Variants in SAMMSON observed in about 807,000 individuals in gnomAD.
The protein encoded by SAMMSON is survival associated mitochondrial melanoma specific oncogenic non-coding RNA.
At chr3:70,382,939 T>G (rs1245966690) in intron 9 of SAMMSON, among the ~76,000 whole-genome samples, 2 of 152,132 alleles carry the variant, frequency 1.3e-5, no homozygotes, top group African/African-American at 4.8e-5. Flanking sequence ...TATTCTCAGG[T>G]TTGGAAGATA....
chr3:70,005,355 C>T (rs1161326037), intron 1 of SAMMSON, among the ~76,000 whole-genome samples: 2 of 149,522 alleles, frequency 1.3e-5, no homozygotes, highest in Non-Finnish European at 3.0e-5. Flanking sequence ...TTCTTCTGTT[C>T]CATATGGGGT....
At chr3:70,323,244 G>C (rs563939393) in intron 7 of SAMMSON, among the ~76,000 whole-genome samples, 1 of 152,052 alleles carries the variant, frequency 6.6e-6, no homozygotes, top group African/African-American at 2.4e-5. Context: ...AAATTAATCC[G>C]AGATTTTTTG....
chr3:70,259,155 T>C (rs1701843309), intron 6 of SAMMSON, among the ~76,000 whole-genome samples: 1 of 152,158 alleles, frequency 6.6e-6, no homozygotes, highest in South Asian at 2.1e-4. Flanking sequence ...CCCTTTTTCA[T>C]ATGTGGTCCT....
intron 3 of SAMMSON, among the ~76,000 whole-genome samples, chr3:70,039,647 T>C (rs976875691): frequency 6.7e-6 from 1 of 148,500 alleles, no homozygotes; most frequent in Non-Finnish European, 1.5e-5. Context: ...ACACACACTT[T>C]CTATTGGTTT....
Position 70,079,744 on chromosome 3 carries a change from T to C in SAMMSON, n.507+8179T>C, listed in dbSNP as rs1313865446. Among the ~76,000 whole-genome samples the C allele has an allele frequency of 2.0e-5, 3 of 152,290 alleles. No individual in the cohort carries two copies. The East Asian group carries it at 5.8e-4, about 29-fold the overall frequency. On this transcript the variant is annotated intron_variant and non_coding_transcript_variant, in intron 4 of 9. Coordinates refer to ENST00000642114, the Ensembl canonical transcript of SAMMSON. The stretch of plus-strand genomic sequence containing the variant: ...GTACTTTCAACTTATGGGGGGTTTA[T>C]CAAGACGTAACCCCACTGTAAGTCG...
At chr3:70,059,916 G>A (rs1373262558) in intron 3 of SAMMSON, among the ~76,000 whole-genome samples, 1 of 152,124 alleles carries the variant, frequency 6.6e-6, no homozygotes, top group Non-Finnish European at 1.5e-5. Context: ...AAAAGTTGAA[G>A]AAGACAGACT....
chr3:70,358,985 G>A (rs1702851209), intron 9 of SAMMSON, among the ~76,000 whole-genome samples: 1 of 152,042 alleles, frequency 6.6e-6, no homozygotes, highest in Non-Finnish European at 1.5e-5. Context: ...CTGAGAGAGA[G>A]GTTAAGTGAG....
At chr3:70,288,506 G>A (rs1365949857) in intron 6 of SAMMSON, among the ~76,000 whole-genome samples, 1 of 150,612 alleles carries the variant, frequency 6.6e-6, no homozygotes, top group Non-Finnish European at 1.5e-5. Context: ...GAATAGGTGT[G>A]GTGTGGTGCT....
intron 3 of SAMMSON, chr3:70,030,209 A>G (rs1443519001): frequency 6.6e-6 from 1 of 152,210 alleles, no homozygotes; most frequent in Non-Finnish European, 1.5e-5. Flanking sequence ...AATGTTTATA[A>G]AATTTTAAAA....
intron 4 of SAMMSON, among the ~76,000 whole-genome samples, chr3:70,159,179 T>A (rs961179504): frequency 2.6e-5 from 4 of 151,428 alleles, no homozygotes; most frequent in Non-Finnish European, 5.9e-5. Context: ...TACTTAGTGA[T>A]TTTTTTTTGT....
At chr3:70,343,902 T>C (rs963803754) in intron 7 of SAMMSON, among the ~76,000 whole-genome samples, 4 of 149,808 alleles carry the variant, frequency 2.7e-5, no homozygotes, top group Admixed American at 6.7e-5. Context: ...CATTATAATG[T>C]ATATATATAC....
intron 1 of SAMMSON, among the ~76,000 whole-genome samples, chr3:70,000,327 T>G (rs983381110): frequency 6.6e-6 from 1 of 152,192 alleles, no homozygotes; most frequent in African/African-American, 2.4e-5. Flanking sequence ...TCACACGCCC[T>G]GAGAGGAGGA....
chr3:70,005,719 A>T (rs981362944), intron 1 of SAMMSON, among the ~76,000 whole-genome samples: 3 of 152,150 alleles, frequency 2.0e-5, no homozygotes, highest in African/African-American at 7.2e-5. Flanking sequence ...TTTGGATACT[A>T]TTCACCACTC....
intron 2 of SAMMSON, among the ~76,000 whole-genome samples, chr3:70,414,117 A>T (rs2106770325): frequency 6.6e-6 from 1 of 152,196 alleles, no homozygotes; most frequent in East Asian, 1.9e-4. Context: ...GGCCTCTGAA[A>T]ATCTCTAGTT....
chr3:70,298,660 ATAGGTTTAAAAATACC>A (rs1406103608), intron 7 of SAMMSON, among the ~76,000 whole-genome samples: 1 of 152,140 alleles, frequency 6.6e-6, no homozygotes, highest in Admixed American at 6.6e-5. Flanking sequence ...TGAATGAGTA[ATAGGTTTAAAAATACC>A]CCAGCTATAT....
At chr3:70,371,082 A>G (rs1453753186) in intron 9 of SAMMSON, among the ~76,000 whole-genome samples, 1 of 152,040 alleles carries the variant, frequency 6.6e-6, no homozygotes. Flanking sequence ...TCCTTTCCCC[A>G]ATGTAAGTCC....
chr3:70,410,915 A>C (rs1294899399), intron 2 of SAMMSON, among the ~76,000 whole-genome samples: 1 of 152,144 alleles, frequency 6.6e-6, no homozygotes, highest in African/African-American at 2.4e-5. Flanking sequence ...CTTTTACTTT[A>C]TGCTTTCAAT....
intron 9 of SAMMSON, among the ~76,000 whole-genome samples, chr3:70,377,472 A>G (rs2106749631): frequency 6.6e-6 from 1 of 152,222 alleles, no homozygotes; most frequent in Middle Eastern, 3.4e-3. Context: ...ACCCCACTCC[A>G]CAAGATAAAT....
downstream of SAMMSON, among the ~76,000 whole-genome samples, chr3:70,393,313 C>T (rs556177132): frequency 6.6e-6 from 1 of 152,344 alleles, no homozygotes; most frequent in Non-Finnish European, 1.5e-5. Context: ...CCTCCATTTT[C>T]TCACATAAAA....
Sources: allele counts gnomAD v4.1 joint callset (sites outside exome capture counted in the v4.1 genomes callset), GRCh38; gene constraint gnomAD v4.1.1; transcripts MANE v1.5; gene names NCBI Gene and HGNC (gene_info 2026-07-23, HGNC 2026-07-21).